ZNF446: variants seen among roughly 807,000 people sequenced by gnomAD.
The protein encoded by ZNF446 is zinc finger protein with KRAB and SCAN domains 20.
In ZNF446, 42 loss-of-function variants were observed where a neutral mutation model predicts 34.0. That is an observed-to-expected ratio of 1.23 (90% CI 0.96 to 1.60). The LOEUF (loss-of-function observed/expected upper bound fraction) is 1.60, where lower values mean the gene tolerates loss of function less well. Ranked by LOEUF, ZNF446 falls within the 40% of genes most tolerant of loss-of-function variation. ZNF446 has a pLI of 0.00. For missense variants in ZNF446, 650 were observed against 600.2 expected (o/e 1.08, Z -0.87); for synonymous variants, 315 against 251.0 (o/e 1.25, Z -2.41).
In ZNF446 at chr19:58,480,542, C is replaced by A. The variant is rs2053130692; in HGVS notation, c.1169C>A (p.Thr390Lys). ...AFPHHPRRSL[T>K]GPRSYPCEEC... ...CCGCACCACCCCCGACGCTCACTCA[C>A]AGGCCCCCGGAGTTACCCGTGTGAG... The change falls in exon 7 of 7, where the codon ACA (threonine) becomes AAA (lysine). Residue 390 changes from threonine (T) to lysine (K), a missense_variant. Physicochemically the swap from Thr to Lys is moderately conservative, Grantham distance 78. Coordinates refer to ENST00000594369, the MANE Select transcript of ZNF446 (RefSeq NM_017908.4). The surrounding 1 kb of genome is among the most constrained non-coding windows in gnomAD (Gnocchi z 7.2). 1 of 1,612,840 alleles carries A rather than the reference C, an allele frequency of 6.2e-7. No homozygotes were observed. The highest frequency in any genetic ancestry group is 1.3e-5 in the African/African-American group (1 of 75,054).
In ZNF446 at chr19:58,481,106, G is replaced by GC. The variant is rs1177488131; in HGVS notation, c.*381dup. ...AAACTGTGCCTTCCCACTCGTCTGT[G>GC]CAGAGGCTGGGCCTGAGGTCTCAGT... is the stretch of plus-strand genomic sequence containing the variant. On this transcript the variant is annotated 3_prime_UTR_variant, in exon 7 of 7. Coordinates refer to ENST00000594369, the MANE Select transcript of ZNF446 (RefSeq NM_017908.4). 4.1e-6 allele frequency: 1 copy of GC among 243,182 alleles called. No individual in the cohort carries two copies. Among genetic ancestry groups the GC allele is most frequent in the Non-Finnish European group, 8.1e-6 (1 of 123,316 alleles). The allele number at this position is 243,182 out of a possible 1,614,324, so 15.1% of individuals were successfully genotyped here.
Position 58,480,335 on chromosome 19 carries a change from G to A in ZNF446, c.962G>A (p.Arg321Lys), listed in dbSNP as rs749364662. The change falls in exon 7 of 7, where the codon AGA (arginine) becomes AAA (lysine). Residue 321 changes from arginine to lysine, a missense_variant. Physicochemically the swap from Arg to Lys is conservative, Grantham distance 26. Coordinates refer to ENST00000594369, the MANE Select transcript of ZNF446 (RefSeq NM_017908.4). This position sits in a 1 kb window ranked among gnomAD's most constrained non-coding sequence, Gnocchi z 7.2. ...VPTQPTPAET[R>K]LEPAATPRKP... ...ACTCAGCCCACACCTGCAGAGACGA[G>A]ACTGGAGCCGGCTGCCACCCCCAGG... The A allele has an allele frequency of 6.3e-7, 1 of 1,593,358 alleles. No homozygotes were observed. The highest frequency in any genetic ancestry group is 8.5e-7 in the Non-Finnish European group (1 of 1,170,886).
In ZNF446 at chr19:58,476,352, C is replaced by T. The variant is rs1055111939; in HGVS notation, c.-193C>T. The T allele has an allele frequency of 6.6e-6, 1 of 152,328 alleles. No homozygotes were observed. The highest frequency in any genetic ancestry group is 2.4e-5 in the African/African-American group (1 of 41,472). The allele number at this position is 152,328 out of a possible 1,614,324, so 9.4% of individuals were successfully genotyped here. On this transcript the variant is annotated 5_prime_UTR_variant, in exon 1 of 7. Transcript: ENST00000594369. ...GCGTCACCTCAGCCTTCGCTCAGGCCTTTCCTACCCTCAACGCCGTTCCGG... is the reference window on the plus strand; with the variant it reads ...GCGTCACCTCAGCCTTCGCTCAGGCTTTTCCTACCCTCAACGCCGTTCCGG...
At position 58,481,099 on chromosome 19, in the gene ZNF446, C is replaced by T. The variant is rs534901003; in HGVS notation, c.*373C>T. On this transcript the variant is annotated 3_prime_UTR_variant, in exon 7 of 7. Coordinates refer to ENST00000594369, the MANE Select transcript of ZNF446 (RefSeq NM_017908.4). ...TGTTCAAAAACTGTGCCTTCCCACT[C>T]GTCTGTGCAGAGGCTGGGCCTGAGG... is the stretch of plus-strand genomic sequence containing the variant. The T allele has an allele frequency of 2.2e-4, 58 of 265,646 alleles. No homozygotes were observed. In the South Asian group the frequency reaches 2.8e-3, roughly 13 times the overall value. 16.5% of individuals were successfully genotyped at this position (265,646 alleles called of 1,614,324 possible). A position where few individuals can be genotyped will look rare whatever the true frequency, so the allele number is the denominator to read the frequency against.
In ZNF446 at chr19:58,480,339, G is replaced by A. The variant is rs1337507207; in HGVS notation, c.966G>A (p.Leu322=). 2 of 1,595,112 alleles carry A rather than the reference G, an allele frequency of 1.3e-6. No individual in the cohort carries two copies. The highest frequency in any genetic ancestry group is 1.3e-5 in the African/African-American group (1 of 74,702). The change falls in exon 7 of 7, where the codon CTG becomes CTA. Residue 322 remains leucine (L), a synonymous_variant. Coordinates refer to ENST00000594369, the MANE Select transcript of ZNF446 (RefSeq NM_017908.4). This position sits in a 1 kb window ranked among gnomAD's most constrained non-coding sequence, Gnocchi z 7.2. ...AGCCCACACCTGCAGAGACGAGACTGGAGCCGGCTGCCACCCCCAGGAAGC... is the reference window on the plus strand; with the variant it reads ...AGCCCACACCTGCAGAGACGAGACTAGAGCCGGCTGCCACCCCCAGGAAGC... ...PTQPTPAETR[L]EPAATPRKPY...
chr19:58,479,501 A>C lies in ZNF446; in HGVS notation c.628-142A>C, dbSNP rs1353899130. 6 of 827,544 alleles carry C rather than the reference A, an allele frequency of 7.3e-6. No individual in the cohort carries two copies. The African/African-American group carries it at 8.5e-5, about 12-fold the overall frequency. The allele number at this position is 827,544 out of a possible 1,614,324, so 51.3% of individuals were successfully genotyped here. A position where few individuals can be genotyped will look rare whatever the true frequency, so the allele number is the denominator to read the frequency against. On this transcript the variant is annotated intron_variant, in intron 4 of 6. Transcript: ENST00000594369. ...GAGAACCTCTGCACTTAACAAACAC[A>C]CACCTTGAGATCATTCTCAGCAGGA... is the stretch of plus-strand genomic sequence containing the variant.
rs770545759 is a variant in ZNF446, at chr19:58,479,916, C to T, written c.713-14C>T. 3.2e-6 allele frequency: 5 copies of T among 1,557,936 alleles called. No homozygotes were observed. Among genetic ancestry groups the T allele is most frequent in the East Asian group, 2.4e-5 (1 of 42,250 alleles). ...TGCAAACCCCATGCCTAACTGTGCC[C>T]CCCACCCGGGCAGGGTTACCGCCCC... On this transcript the variant is annotated splice_polypyrimidine_tract_variant and intron_variant, in intron 5 of 6. Transcript: ENST00000594369.
rs751976041 is a variant in ZNF446, at chr19:58,479,848, G to C, written c.713-82G>C. ...TACCCAGCTCTCCCACCTTCCAGAGGAACACCCTGTCACCTACCAGAACCG... is the reference window on the plus strand; with the variant it reads ...TACCCAGCTCTCCCACCTTCCAGAGCAACACCCTGTCACCTACCAGAACCG... On this transcript the variant is annotated intron_variant, in intron 5 of 6. Transcript: ENST00000594369. 2.1e-6 allele frequency: 3 copies of C among 1,398,738 alleles called. No homozygotes were observed. In the South Asian group the frequency reaches 3.7e-5, roughly 17 times the overall value. The allele number at this position is 1,398,738 out of a possible 1,614,324, so 86.6% of individuals were successfully genotyped here.
At chr19:58,484,977 G>C (rs902310949), downstream of ZNF446, among the ~76,000 whole-genome samples, 3 of 152,100 alleles carry the variant, frequency 2.0e-5, no homozygotes, top group Non-Finnish European at 4.4e-5. Context: ...AGGATCACCT[G>C]AGCCTTGGGA....
chr19:58,477,741 A>G lies in ZNF446; in HGVS notation c.447A>G (p.Glu149=), dbSNP rs2122441070. 5.0e-6 allele frequency: 8 copies of G among 1,613,178 alleles called. No individual in the cohort carries two copies. Among genetic ancestry groups the G allele is most frequent in the Non-Finnish European group, 6.8e-6 (8 of 1,179,660 alleles). The change falls in exon 3 of 7, where the codon GAA becomes GAG. Residue 149 remains glutamate, a synonymous_variant. Coordinates refer to ENST00000594369, the MANE Select transcript of ZNF446 (RefSeq NM_017908.4). ...HPSGTVESPG[E]GPQDTRIEGS... is the part of the protein sequence containing the mutation. The stretch of plus-strand genomic sequence containing the variant: ...CAGGGACAGTGGAGTCCCCTGGGGA[A>G]GGTCCCCAGGACACCAGAATAGAGG...
chr19:58,479,546 T>A, intron 4 of ZNF446, 97 bp from the exon 5 acceptor site: 1 of 1,337,244 alleles, frequency 7.5e-7, no homozygotes, highest in Non-Finnish European at 1.0e-6. Flanking sequence ...GAGGCGTAGG[T>A]AACCTGCTGA....
downstream of ZNF446, among the ~76,000 whole-genome samples, chr19:58,486,088 C>CTTTTTT (rs71190045): frequency 5.6e-4 from 47 of 83,306 alleles, no homozygotes; most frequent in South Asian, 9.3e-4. Context: ...AGCTAACTTT[C>CTTTTTT]TTTTTTTTTT....
Position 58,478,309 on chromosome 19 carries a change from G to C in ZNF446, c.627+128G>C, listed in dbSNP as rs1040370073. 1.4e-5 allele frequency: 11 copies of C among 799,612 alleles called. No individual in the cohort carries two copies. The African/African-American group carries it at 1.9e-4, about 14-fold the overall frequency. The allele number at this position is 799,612 out of a possible 1,614,324, so 49.5% of individuals were successfully genotyped here. A position where few individuals can be genotyped will look rare whatever the true frequency, so the allele number is the denominator to read the frequency against. On this transcript the variant is annotated intron_variant, in intron 4 of 6. Transcript: ENST00000594369. Reference sequence around the variant, plus strand: ...TCTTTGCTTCCCAGAAGTGGAGTCTGTAAAAGCTGTACCCCTCCACAGGAC... The same window carrying C: ...TCTTTGCTTCCCAGAAGTGGAGTCTCTAAAAGCTGTACCCCTCCACAGGAC...
Position 58,480,441 on chromosome 19 carries a change from T to C in ZNF446, c.1068T>C (p.Ser356=). ...VFVIHHRTHT[S]GPGVQSPGLA... ...TCATCCACCACCGGACACACACGAG[T>C]GGGCCAGGTGTGCAGTCCCCGGGGC... Residue 356 remains serine (S), a synonymous_variant, in exon 7 of 7, where the codon AGT becomes AGC. Transcript: ENST00000594369. The surrounding 1 kb of genome is among the most constrained non-coding windows in gnomAD (Gnocchi z 7.2). The C allele has an allele frequency of 1.9e-6, 3 of 1,608,910 alleles. No individual in the cohort carries two copies. Among genetic ancestry groups the C allele is most frequent in the Non-Finnish European group, 1.7e-6 (2 of 1,178,834 alleles).
chr19:58,477,598 C>A (rs753840560), intron 2 of ZNF446, 38 bp downstream of exon 2: 56 of 1,613,016 alleles, frequency 3.5e-5, no homozygotes, highest in Non-Finnish European at 4.5e-5. Context: ...GAGGGATAGA[C>A]CCTGGCTAGA....
chr19:58,488,777 G>A, the ZNF446 span, among the ~76,000 whole-genome samples: 1,125 of 150,208 alleles, frequency 7.5e-3, 7 homozygotes, highest in Non-Finnish European at 0.011. Flanking sequence ...CGTGAACCCA[G>A]GAGGTGGAGC....
downstream of ZNF446, among the ~76,000 whole-genome samples, chr19:58,484,285 A>C (rs968647648): frequency 1.0e-3 from 151 of 149,898 alleles, 1 homozygote; most frequent in Non-Finnish European, 3.7e-4. Context: ...AAAAAAAAAA[A>C]AAAAAAAAAC....
chr19:58,479,422 G>A (rs560601732), intron 4 of ZNF446: 7 of 569,568 alleles, frequency 1.2e-5, no homozygotes, highest in Non-Finnish European at 2.2e-5. Context: ...TGAGCAGGAT[G>A]GTGTAGTAGA....
At chr19:58,479,090 T>C (rs980166760) in intron 4 of ZNF446, among the ~76,000 whole-genome samples, 2 of 152,164 alleles carry the variant, frequency 1.3e-5, no homozygotes, top group Non-Finnish European at 2.9e-5. Flanking sequence ...ACATTGCTGG[T>C]TGAGATGTGT....
Sources: allele counts gnomAD v4.1 joint callset (sites outside exome capture counted in the v4.1 genomes callset), GRCh38; gene constraint gnomAD v4.1.1; non-coding constraint Gnocchi (gnomAD v3.1); transcripts MANE v1.5; gene names NCBI Gene and HGNC (gene_info 2026-07-23, HGNC 2026-07-21).